Variants in CHRM3 observed in about 807,000 individuals in gnomAD.
CHRM3 encodes cholinergic receptor muscarinic 3.
CHRM3 carries 11 observed loss-of-function variants against 41.8 expected under a neutral mutation model. The observed-to-expected ratio is 0.26, with a 90% CI of 0.17 to 0.44. The LOEUF is 0.44. Among genes scored for constraint, CHRM3 ranks in the 20% least tolerant of loss-of-function variants. The probability of loss-of-function intolerance (pLI) is 1.00; values close to 1 mark genes in which losing one functional copy is unlikely to be tolerated. For missense variants in CHRM3, 571 were observed against 745.4 expected, an observed-to-expected ratio of 0.77 and a Z score of 2.72; for synonymous variants, 297 against 301.4, an observed-to-expected ratio of 0.99 and a Z score of 0.15.
At chr1:239,611,061 T>TA (rs965465553) in intron 3 of CHRM3, among the ~76,000 whole-genome samples, 4 of 150,328 alleles carry the variant, frequency 2.7e-5, no homozygotes, top group African/African-American at 4.9e-5. Flanking sequence ...AAAATAATAA[T>TA]AAAAAAAAAG....
intron 5 of CHRM3, among the ~76,000 whole-genome samples, chr1:239,826,316 A>T (rs58475124): frequency 6.6e-6 from 1 of 152,180 alleles, no homozygotes; most frequent in Non-Finnish European, 1.5e-5. Flanking sequence ...TTGCGATCTT[A>T]TAGTTCCTGT....
chr1:239,601,807 G>A, intron 3 of CHRM3, among the ~76,000 whole-genome samples: 1 of 151,864 alleles, frequency 6.6e-6, no homozygotes, highest in African/African-American at 2.4e-5. Context: ...TTCTGTTTCT[G>A]TGCTTTTTAT....
intron 5 of CHRM3, among the ~76,000 whole-genome samples, chr1:239,771,355 T>C (rs1326633016): frequency 6.6e-6 from 1 of 152,072 alleles, no homozygotes; most frequent in Non-Finnish European, 1.5e-5. Flanking sequence ...CTAATTGATC[T>C]CATTCCCTGA....
rs1675432094 is a variant in CHRM3 at position 239,859,535 on chromosome 1, C to T, written c.-20+32157C>T. Among the ~76,000 whole-genome samples, 3 of 151,198 alleles carry T rather than the reference C, an allele frequency of 2.0e-5. No homozygotes were observed. The South Asian group carries it at 6.2e-4, about 31-fold the overall frequency. ...CCGCCTCCCGGGTTCAAGCCTCAGC[C>T]TCCCAGGTAGCTGGGATTACAGGCA... is the stretch of plus-strand genomic sequence containing the variant. On this transcript the variant is annotated intron_variant, in intron 6 of 6. Transcript: ENST00000676153.
chr1:239,609,785 C>T (rs1485589861), intron 3 of CHRM3, among the ~76,000 whole-genome samples: 1 of 152,094 alleles, frequency 6.6e-6, no homozygotes, highest in African/African-American at 2.4e-5. Flanking sequence ...TGTATATGTT[C>T]TTTATTGAAG....
At chr1:239,590,814 T>G (rs1664044238) in intron 3 of CHRM3, among the ~76,000 whole-genome samples, 1 of 152,142 alleles carries the variant, frequency 6.6e-6, no homozygotes, top group Non-Finnish European at 1.5e-5. Context: ...AAACCCTATA[T>G]TTAAATTTAA....
chr1:239,634,436 A>AAC (rs1553347996), intron 4 of CHRM3, among the ~76,000 whole-genome samples: 2 of 151,282 alleles, frequency 1.3e-5, no homozygotes, highest in Non-Finnish European at 2.9e-5. Flanking sequence ...AGAGAAAAAA[A>AAC]AGAACAGAAA....
At chr1:239,536,905 T>C (rs1658259596) in intron 2 of CHRM3, among the ~76,000 whole-genome samples, 1 of 152,252 alleles carries the variant, frequency 6.6e-6, no homozygotes, top group Non-Finnish European at 1.5e-5. Context: ...TGATGTATAC[T>C]GATAGAAAGC....
rs184570918 is a variant in CHRM3 at position 239,758,453 on chromosome 1, T to C, written c.-146-68799T>C. On this transcript the variant is annotated intron_variant, in intron 5 of 6. Coordinates refer to ENST00000676153, the MANE Select transcript of CHRM3 (RefSeq NM_001375978.1). The stretch of plus-strand genomic sequence containing the variant: ...GTGCTATGTAATCATTGTAATGATA[T>C]TGTACAAGCAGCAGCACATTTACAT... Among the ~76,000 whole-genome samples, 361 of 152,308 alleles carry C rather than the reference T, an allele frequency of 2.4e-3. 2 individuals are homozygous for C. Among genetic ancestry groups the C allele is most frequent in the Middle Eastern group, 0.014 (4 of 294 alleles).
chr1:239,461,549 A>G (rs1665361319), intron 1 of CHRM3, among the ~76,000 whole-genome samples: 1 of 152,024 alleles, frequency 6.6e-6, no homozygotes, highest in South Asian at 2.1e-4. Flanking sequence ...TGTATGTTTA[A>G]CACAGATTCT....
At chr1:239,668,577 T>G (rs1170790457) in intron 4 of CHRM3, among the ~76,000 whole-genome samples, 1 of 152,182 alleles carries the variant, frequency 6.6e-6, no homozygotes, top group Non-Finnish European at 1.5e-5. Flanking sequence ...ATAGTTAAAA[T>G]GTAAAAGAAT....
chr1:239,847,874 C>A (rs7527648), intron 6 of CHRM3, among the ~76,000 whole-genome samples: 1 of 151,080 alleles, frequency 6.6e-6, no homozygotes, highest in Non-Finnish European at 1.5e-5. Context: ...GTGATCTCAC[C>A]ACTGCACTCC....
At chr1:239,679,027 G>A (rs75597866) in intron 5 of CHRM3, among the ~76,000 whole-genome samples, 14 of 148,780 alleles carry the variant, frequency 9.4e-5, no homozygotes, top group Admixed American at 3.4e-4. Context: ...GTAGATAGAT[G>A]GATAGATAGA....
chr1:239,432,041 G>A (rs534500806), intron 1 of CHRM3, among the ~76,000 whole-genome samples: 8 of 152,088 alleles, frequency 5.3e-5, no homozygotes, highest in South Asian at 2.1e-4. Context: ...TTCTCATCCC[G>A]GAAGGATGTG....
At chr1:239,554,472 A>C (rs12737563) in intron 3 of CHRM3, among the ~76,000 whole-genome samples, 2 of 148,174 alleles carry the variant, frequency 1.3e-5, no homozygotes, top group African/African-American at 5.2e-5. Flanking sequence ...GTGTGTGTGT[A>C]TGTGTGTGCA....
intron 3 of CHRM3, among the ~76,000 whole-genome samples, chr1:239,547,545 A>G (rs1659414012): frequency 6.6e-6 from 1 of 152,218 alleles, no homozygotes; most frequent in African/African-American, 2.4e-5. Context: ...CAAAAACCTC[A>G]GTTTCTGAGA....
intron 5 of CHRM3, among the ~76,000 whole-genome samples, chr1:239,758,803 G>A (rs1240511583): frequency 1.3e-5 from 2 of 152,130 alleles, no homozygotes; most frequent in Non-Finnish European, 2.9e-5. Flanking sequence ...AATTATTGCA[G>A]CTATTGATGA....
chr1:239,755,996 A>G (rs1340801713), intron 5 of CHRM3, among the ~76,000 whole-genome samples: 2 of 152,210 alleles, frequency 1.3e-5, no homozygotes, highest in East Asian at 1.9e-4. Flanking sequence ...TTGTATGTAG[A>G]ACTCATTCCA....
chr1:239,759,464 A>C (rs978679623), intron 5 of CHRM3, among the ~76,000 whole-genome samples: 5 of 152,090 alleles, frequency 3.3e-5, no homozygotes, highest in Admixed American at 2.6e-4. Context: ...TTGGCCAAAT[A>C]AATCTTGGCC....
Sources: gnomAD v4.1 joint callset for allele counts (sites outside exome capture counted in the v4.1 genomes callset) on GRCh38, gnomAD v4.1.1 for gene constraint, MANE v1.5 for transcripts, NCBI Gene and HGNC (gene_info 2026-07-23, HGNC 2026-07-21) for gene names.